Variants in CAMK2B observed in about 807,000 individuals in gnomAD.
CAMK2B encodes the protein calcium/calmodulin dependent protein kinase II beta.
Under a neutral mutation model 93.7 loss-of-function variants are expected in CAMK2B, and 27 were observed. That is an observed-to-expected ratio of 0.29 (90% CI 0.21 to 0.40). The LOEUF is 0.40. Ranked by LOEUF, CAMK2B falls within the 10% of genes least tolerant of loss-of-function variation. CAMK2B has a pLI of 1.00. For synonymous variants in CAMK2B, 374 were observed against 358.8 expected, an observed-to-expected ratio of 1.04 and a Z score of -0.48; for missense variants, 568 against 895.8, an observed-to-expected ratio of 0.63 and a Z score of 4.67.
At chr7:44,309,923 C>G (rs932062840) in intron 1 of CAMK2B, among the ~76,000 whole-genome samples, 1 of 152,244 alleles carries the variant, frequency 6.6e-6, no homozygotes, top group Non-Finnish European at 1.5e-5. Context: ...GGGTAGTCAC[C>G]GCGCCTGAGC....
chr7:44,283,788 G>A (rs1160329094), intron 2 of CAMK2B, among the ~76,000 whole-genome samples: 2 of 152,224 alleles, frequency 1.3e-5, no homozygotes, highest in Non-Finnish European at 2.9e-5. Context: ...AGCTCTGGGG[G>A]CAGAGACCCC....
At chr7:44,259,010 A>C in intron 3 of CAMK2B, 84 bp from the exon 4 acceptor site, 1 of 1,233,302 alleles carries the variant, frequency 8.1e-7, no homozygotes, top group Non-Finnish European at 1.2e-6. Flanking sequence ...CAGGCACACC[A>C]CCAGCGGTGT....
chr7:44,281,566 C>G (rs1013105195), intron 2 of CAMK2B, among the ~76,000 whole-genome samples: 1 of 152,174 alleles, frequency 6.6e-6, no homozygotes, highest in South Asian at 2.1e-4. Context: ...AGCAGACACC[C>G]CAGGACCCTG....
chr7:44,234,114 G>A (rs1353639551), intron 15 of CAMK2B, among the ~76,000 whole-genome samples: 2 of 152,222 alleles, frequency 1.3e-5, no homozygotes, highest in Admixed American at 1.3e-4. Context: ...ATGGGTGGGA[G>A]GCTGGGCCTC....
chr7:44,230,310 C>T (rs1453831490), intron 17 of CAMK2B: 2 of 152,442 alleles, frequency 1.3e-5, no homozygotes, highest in African/African-American at 4.8e-5. Context: ...GTTTTCTCCC[C>T]TAAACTGGCA....
At chr7:44,308,451 C>T (rs1792548087) in intron 1 of CAMK2B, among the ~76,000 whole-genome samples, 2 of 151,950 alleles carry the variant, frequency 1.3e-5, no homozygotes, top group South Asian at 4.1e-4. Context: ...GCCCCCGGCT[C>T]GCATCCCATG....
At chr7:44,301,298 T>TTTTG (rs930307675) in intron 1 of CAMK2B, among the ~76,000 whole-genome samples, 1 of 152,080 alleles carries the variant, frequency 6.6e-6, no homozygotes, top group African/African-American at 2.4e-5. Flanking sequence ...CTGTGATGTT[T>TTTTG]TTTGTTTGTT....
At chr7:44,300,453 C>T (rs550635221) in intron 1 of CAMK2B, among the ~76,000 whole-genome samples, 2 of 151,756 alleles carry the variant, frequency 1.3e-5, no homozygotes, top group African/African-American at 4.8e-5. Context: ...GGAGCCACTG[C>T]ACCCACCCAG....
At chr7:44,264,786 C>T (rs938232303) in intron 2 of CAMK2B, among the ~76,000 whole-genome samples, 1 of 152,218 alleles carries the variant, frequency 6.6e-6, no homozygotes, top group African/African-American at 2.4e-5. Context: ...GATGGCGGAA[C>T]TGGAACCAGC....
chr7:44,303,268 T>G (rs1206790424), intron 1 of CAMK2B, among the ~76,000 whole-genome samples: 1 of 152,152 alleles, frequency 6.6e-6, no homozygotes, highest in Non-Finnish European at 1.5e-5. Context: ...ACTAAATAAA[T>G]GCAGAGGCAT....
At chr7:44,253,815 C>T (rs2096804208) in intron 5 of CAMK2B, among the ~76,000 whole-genome samples, 1 of 151,588 alleles carries the variant, frequency 6.6e-6, no homozygotes, top group Admixed American at 6.6e-5. Context: ...CCAGGCTAGT[C>T]TCAAACTCCT....
chr7:44,262,449 G>A (rs2096887088), intron 3 of CAMK2B, among the ~76,000 whole-genome samples: 1 of 152,230 alleles, frequency 6.6e-6, no homozygotes. Context: ...GAAGCCCTGG[G>A]CCAGCGCAAG....
intron 1 of CAMK2B, among the ~76,000 whole-genome samples, chr7:44,318,777 T>C (rs1401495589): frequency 2.0e-5 from 3 of 152,262 alleles, no homozygotes; most frequent in Non-Finnish European, 4.4e-5. Context: ...GCCTGGTTGT[T>C]GCCAATCTGT....
chr7:44,250,341 G>A (rs946674443), intron 5 of CAMK2B, among the ~76,000 whole-genome samples: 4 of 152,166 alleles, frequency 2.6e-5, no homozygotes, highest in African/African-American at 7.2e-5. Flanking sequence ...AGGAAGGGCC[G>A]ATCCCCTCTA....
Position 44,294,360 on chromosome 7 carries a change from C to T in CAMK2B, c.66-10135G>A, listed in dbSNP as rs115345816. Among the ~76,000 whole-genome samples the T allele has an allele frequency of 3.8e-3, 573 of 152,228 alleles. 1 individual carries two copies. The highest frequency in any genetic ancestry group is 0.013 in the African/African-American group (522 of 41,526). ...GCACACACAGGTAGCAAAAGGGCTA[C>T]GGAACAGACAGTTGGTCCCCAGGCA... On this transcript the variant is annotated intron_variant, in intron 1 of 23. Coordinates refer to ENST00000395749, the MANE Select transcript of CAMK2B (RefSeq NM_001220.5).
intron 13 of CAMK2B, among the ~76,000 whole-genome samples, chr7:44,235,430 G>A (rs2096616538): frequency 6.6e-6 from 1 of 152,246 alleles, no homozygotes. Context: ...GGTCAGAGGG[G>A]CCTGGCCCCA....
intron 3 of CAMK2B, among the ~76,000 whole-genome samples, chr7:44,262,383 C>A (rs2096886355): frequency 6.6e-6 from 1 of 152,212 alleles, no homozygotes; most frequent in African/African-American, 2.4e-5. Flanking sequence ...CTCCAGATAC[C>A]CCTGTGGAGC....
At chr7:44,241,899 T>A in intron 10 of CAMK2B, 116 bp from the exon 11 acceptor site, 1 of 810,688 alleles carries the variant, frequency 1.2e-6, no homozygotes, top group Non-Finnish European at 2.0e-6. Context: ...CCGGCCACCA[T>A]TGCGGCAAGG....
rs746471069 is a variant in CAMK2B, at chr7:44,287,944, A to G, written c.66-3719T>C. ...GCAGAGTGCCCTATACTCTGGACCT[A>G]GGTATCAGGCACAGTGCCTGGGCTG... On this transcript the variant is annotated intron_variant, in intron 1 of 23. Transcript: ENST00000395749. Among the ~76,000 whole-genome samples the G allele has an allele frequency of 5.4e-4, 83 of 152,316 alleles. 2 individuals are homozygous for G. The highest frequency in any genetic ancestry group is 7.9e-4 in the Non-Finnish European group (54 of 68,026).
Sources: gnomAD v4.1 joint callset for allele counts (sites outside exome capture counted in the v4.1 genomes callset) on GRCh38, gnomAD v4.1.1 for gene constraint, MANE v1.5 for transcripts, NCBI Gene and HGNC (gene_info 2026-07-23, HGNC 2026-07-21) for gene names.